PCDHA7: variants seen among roughly 807,000 people sequenced by gnomAD.
PCDHA7 encodes protocadherin alpha-7.
Under a neutral mutation model 57.2 loss-of-function variants are expected in PCDHA7, and 37 were observed. The observed-to-expected ratio is 0.65, with a 90% CI of 0.50 to 0.85. The LOEUF is 0.85. PCDHA7 is among the 40% of genes least tolerant of loss of function. PCDHA7 has a pLI of 0.00. For missense variants in PCDHA7, 1,188 were observed against 1,241.8 expected, an observed-to-expected ratio of 0.96 and a Z score of 0.65; for synonymous variants, 553 against 558.8, an observed-to-expected ratio of 0.99 and a Z score of 0.15.
At chr5:140,976,011 C>A (rs983997714) in intron 1 of PCDHA7, among the ~76,000 whole-genome samples, 10 of 152,230 alleles carry the variant, frequency 6.6e-5, no homozygotes, top group Admixed American at 1.3e-4. Flanking sequence ...TATTAAAGAA[C>A]TAAATAATCA....
intron 1 of PCDHA7, chr5:140,928,095 G>A (rs782045221): frequency 6.2e-7 from 1 of 1,614,190 alleles, no homozygotes; most frequent in African/African-American, 1.3e-5. Flanking sequence ...TGATTGATGG[G>A]CCCCTGGACC....
intron 1 of PCDHA7, chr5:140,967,958 C>T (rs202159883): frequency 5.6e-6 from 9 of 1,614,182 alleles, no homozygotes; most frequent in East Asian, 2.2e-5. Flanking sequence ...AGGCCCCAAC[C>T]GGAAAGTGAG....
rs1562832308 is a variant in PCDHA7 at position 140,887,757 on chromosome 5, CAT to C, written c.2355+51022_2355+51023del. 3.3e-5 allele frequency among the ~76,000 whole-genome samples: 5 copies of C among 152,284 alleles called. No homozygotes were observed. In the East Asian group the frequency reaches 9.6e-4, roughly 29 times the overall value. On this transcript the variant is annotated intron_variant, in intron 1 of 3. Transcript: ENST00000525929. ...CATCCTTTCTGAGACTCCAGTAACA[CAT>C]ATGTTACAATGACACAGGTCATTGA...
rs2045073152 is a variant in PCDHA7 at position 140,857,980 on chromosome 5, G to T, written c.2355+21242G>T. ...TGGATGAGACTGACTCGCCACGCCA[G>T]CGCCTACTGGTGCTGGTGAAGGACC... On this transcript the variant is annotated intron_variant, in intron 1 of 3. Coordinates refer to ENST00000525929, the MANE Select transcript of PCDHA7 (RefSeq NM_018910.3). The T allele has an allele frequency of 1.3e-6, 2 of 1,597,100 alleles. 1 individual carries two copies. Among genetic ancestry groups the T allele is most frequent in the Non-Finnish European group, 1.7e-6 (2 of 1,167,294 alleles).
In PCDHA7 at chr5:140,893,987, T is replaced by C. The variant is rs112405686; in HGVS notation, c.2355+57249T>C. Among the ~76,000 whole-genome samples, 507 of 152,320 alleles carry C rather than the reference T, an allele frequency of 3.3e-3. 2 individuals carry two copies. The highest frequency in any genetic ancestry group is 0.012 in the African/African-American group (487 of 41,562). ...TAGATACTTTTATAATTTTAAAATA[T>C]CTCCAATTGTATGGTTGGTTCAAAT... is the stretch of plus-strand genomic sequence containing the variant. On this transcript the variant is annotated intron_variant, in intron 1 of 3. Transcript: ENST00000525929.
At chr5:140,840,377 TA>T (rs1239184910) in intron 1 of PCDHA7, among the ~76,000 whole-genome samples, 2 of 151,814 alleles carry the variant, frequency 1.3e-5, no homozygotes, top group Non-Finnish European at 2.9e-5. Context: ...AAAATGAAAA[TA>T]GGGGGTTGCA....
Position 140,835,872 on chromosome 5 carries a change from C to T in PCDHA7, c.1489C>T (p.Leu497=). The part of the protein sequence containing the change: ...NALVSYSLVE[L]RVGERALSSY... ...GCTGGTGTCCTACTCGCTGGTGGAGCTGCGGGTGGGCGAGCGCGCGCTGTC... is the reference window on the plus strand; with the variant it reads ...GCTGGTGTCCTACTCGCTGGTGGAGTTGCGGGTGGGCGAGCGCGCGCTGTC... The change falls in exon 1 of 4, where the codon CTG becomes TTG. Residue 497 remains leucine, a synonymous_variant. Transcript: ENST00000525929. 6.2e-7 allele frequency: 1 copy of T among 1,612,050 alleles called. No individual in the cohort carries two copies. Among genetic ancestry groups the T allele is most frequent in the Non-Finnish European group, 8.5e-7 (1 of 1,179,638 alleles).
At position 140,835,878 on chromosome 5, in the gene PCDHA7, G is replaced by A. The variant is rs138465402; in HGVS notation, c.1495G>A (p.Val499Met). Reference sequence around the variant, plus strand: ...GTCCTACTCGCTGGTGGAGCTGCGGGTGGGCGAGCGCGCGCTGTCGAGCTA... The same window carrying A: ...GTCCTACTCGCTGGTGGAGCTGCGGATGGGCGAGCGCGCGCTGTCGAGCTA... The part of the protein sequence containing the change: ...LVSYSLVELR[V>M]GERALSSYVS... The change falls in exon 1 of 4, where the codon GTG becomes ATG. Residue 499 changes from valine to methionine, a missense_variant. Around this residue, in one of 3 missense-constraint regions of PCDHA7, gnomAD observed 892 missense variants for 788.5 expected, o/e 1.13. Coordinates refer to ENST00000525929, the MANE Select transcript of PCDHA7 (RefSeq NM_018910.3). The A allele has an allele frequency of 3.7e-6, 6 of 1,611,878 alleles. No homozygotes were observed. Among genetic ancestry groups the A allele is most frequent in the Non-Finnish European group, 5.1e-6 (6 of 1,179,640 alleles).
At position 140,834,311 on chromosome 5, in the gene PCDHA7, T is replaced by C; in HGVS notation, c.-73T>C. ...CAATGGCCACACATCGAGATTGAAA[T>C]GAAGGGATAAAAACATTCCTATAAA... is the stretch of plus-strand genomic sequence containing the variant. On this transcript the variant is annotated 5_prime_UTR_variant, in exon 1 of 4. An upstream start codon of the reference 5' UTR is lost. Coordinates refer to ENST00000525929, the MANE Select transcript of PCDHA7 (RefSeq NM_018910.3). The C allele has an allele frequency of 1.5e-6, 2 of 1,357,576 alleles. No homozygotes were observed. The highest frequency in any genetic ancestry group is 2.0e-6 in the Non-Finnish European group (2 of 986,102). The allele number at this position is 1,357,576 out of a possible 1,614,324, so 84.1% of individuals were successfully genotyped here.
chr5:140,863,399 A>G, intron 1 of PCDHA7: 2 of 871,986 alleles, frequency 2.3e-6, no homozygotes, highest in Non-Finnish European at 3.6e-6. Context: ...ATGCCGGGCA[A>G]GCCCACGCTG....
intron 1 of PCDHA7, among the ~76,000 whole-genome samples, chr5:140,899,497 T>G (rs2067365308): frequency 6.6e-6 from 1 of 152,254 alleles, no homozygotes; most frequent in South Asian, 2.1e-4. Context: ...TTACATTTAT[T>G]GATTTGCATA....
At chr5:140,969,513 A>G (rs2096339726) in intron 1 of PCDHA7, 1 of 1,417,106 alleles carries the variant, frequency 7.1e-7, no homozygotes, top group Non-Finnish European at 9.4e-7. Context: ...ATAGCACTAA[A>G]GAATTGTTTT....
At chr5:140,997,116 C>A (rs1554255739) in intron 3 of PCDHA7, among the ~76,000 whole-genome samples, 1 of 152,054 alleles carries the variant, frequency 6.6e-6, no homozygotes, top group Non-Finnish European at 1.5e-5. Context: ...CCTGCTCTCC[C>A]ACATACACAA....
At chr5:140,850,834 C>G in intron 1 of PCDHA7, 1 of 1,597,920 alleles carries the variant, frequency 6.3e-7, no homozygotes, top group South Asian at 1.1e-5. Flanking sequence ...TCTCCTTGTG[C>G]TGGATCTACA....
At chr5:140,922,255 A>C (rs1415394722) in intron 1 of PCDHA7, among the ~76,000 whole-genome samples, 2 of 152,256 alleles carry the variant, frequency 1.3e-5, no homozygotes, top group Non-Finnish European at 2.9e-5. Flanking sequence ...ATAAGTTACT[A>C]AGTGCCATGA....
At chr5:140,916,933 A>G (rs1554197692) in intron 1 of PCDHA7, among the ~76,000 whole-genome samples, 3 of 152,162 alleles carry the variant, frequency 2.0e-5, no homozygotes, top group Non-Finnish European at 4.4e-5. Context: ...ACTTAAGCAT[A>G]TAGTGGTGAG....
rs2150485669 is a variant in PCDHA7, at chr5:140,850,474, C to T, written c.2355+13736C>T. On this transcript the variant is annotated intron_variant, in intron 1 of 3. Coordinates refer to ENST00000525929, the MANE Select transcript of PCDHA7 (RefSeq NM_018910.3). ...AAAGACCACGGGGAGCCAGCGCTGA[C>T]GGCCACGGCCACTGTGCTGGTGTCG... 7.5e-6 allele frequency: 12 copies of T among 1,597,644 alleles called. 2 individuals are homozygous for T. In the South Asian group the frequency reaches 1.1e-4, roughly 15 times the overall value.
Position 140,956,280 on chromosome 5 carries a change from G to A in PCDHA7, c.2356-22669G>A, listed in dbSNP as rs554735108. On this transcript the variant is annotated intron_variant, in intron 1 of 3. Coordinates refer to ENST00000525929, the MANE Select transcript of PCDHA7 (RefSeq NM_018910.3). ...GCCCATTCAGTGTGGTATTGGCTGT[G>A]GGTTTATCATATATATGGCTCTTAT... Among the ~76,000 whole-genome samples, 16 of 152,206 alleles carry A rather than the reference G, an allele frequency of 1.1e-4. No individual in the cohort carries two copies. In the South Asian group the frequency reaches 3.3e-3, roughly 32 times the overall value.
chr5:140,994,747 G>A (rs2097648455), intron 3 of PCDHA7, among the ~76,000 whole-genome samples: 1 of 152,152 alleles, frequency 6.6e-6, no homozygotes, highest in Non-Finnish European at 1.5e-5. Context: ...ATGGCAAGTA[G>A]GATGTGGAGA....
Sources: gnomAD v4.1 joint callset for allele counts (sites outside exome capture counted in the v4.1 genomes callset) on GRCh38, gnomAD v4.1.1 for gene constraint, gnomAD v4.1.1 regional missense constraint, MANE v1.5 for transcripts, NCBI Gene and HGNC (gene_info 2026-07-23, HGNC 2026-07-21) for gene names.